NHSL3: variants seen among roughly 807,000 people sequenced by gnomAD.
The protein encoded by NHSL3 is NHS like 3.
the NHSL3 span, among the ~76,000 whole-genome samples, chr1:32,755,360 G>A: frequency 6.6e-6 from 1 of 152,206 alleles, no homozygotes; most frequent in Non-Finnish European, 1.5e-5. Context: ...GAATCTACGG[G>A]TGTATTCCCA....
the NHSL3 span, among the ~76,000 whole-genome samples, chr1:32,744,718 C>A: frequency 6.6e-6 from 1 of 152,160 alleles, no homozygotes; most frequent in South Asian, 2.1e-4. Context: ...CAGTGGGCTC[C>A]CTGATTCCAC....
the NHSL3 span, among the ~76,000 whole-genome samples, chr1:32,746,325 A>T: frequency 6.6e-6 from 1 of 152,168 alleles, no homozygotes; most frequent in South Asian, 2.1e-4. Flanking sequence ...ACTCTAGACA[A>T]GTGTGTGGGT....
the NHSL3 span, among the ~76,000 whole-genome samples, chr1:32,763,401 A>G: frequency 0.01 from 1,562 of 151,836 alleles, 23 homozygotes; most frequent in African/African-American, 0.035. Context: ...CCATTGCTCA[A>G]TCCTCCAGCC....
the NHSL3 span, among the ~76,000 whole-genome samples, chr1:32,749,845 C>T: frequency 6.6e-6 from 1 of 152,080 alleles, no homozygotes; most frequent in African/African-American, 2.4e-5. Flanking sequence ...TCCCTGCAGT[C>T]CCTGAAGCAG....
chr1:32,773,072 G>T, the NHSL3 span: 1 of 629,432 alleles, frequency 1.6e-6, no homozygotes, highest in Non-Finnish European at 2.9e-6. Flanking sequence ...GAGTCATCCT[G>T]CGCTCATGCC....
the NHSL3 span, among the ~76,000 whole-genome samples, chr1:32,749,767 T>C: frequency 6.6e-6 from 1 of 152,038 alleles, no homozygotes; most frequent in Non-Finnish European, 1.5e-5. Flanking sequence ...TCCCTCACCC[T>C]TCTCTTGGAA....
the NHSL3 span, chr1:32,771,328 C>T: frequency 6.3e-7 from 1 of 1,594,498 alleles, no homozygotes; most frequent in Non-Finnish European, 8.6e-7. Context: ...CTTGACTCCA[C>T]TGCAGGAGTC....
chr1:32,765,753 G>C, the NHSL3 span: 2 of 1,547,330 alleles, frequency 1.3e-6, no homozygotes, highest in Non-Finnish European at 1.7e-6. Flanking sequence ...GGAACGTCTC[G>C]AGTGGCGCCC....
At chr1:32,747,438 G>A in the NHSL3 span, among the ~76,000 whole-genome samples, 3 of 152,094 alleles carry the variant, frequency 2.0e-5, no homozygotes, top group Non-Finnish European at 2.9e-5. Context: ...ATCCCAAAGT[G>A]CTGGGATTAC....
the NHSL3 span, among the ~76,000 whole-genome samples, chr1:32,744,795 T>A: frequency 6.6e-6 from 1 of 152,200 alleles, no homozygotes; most frequent in African/African-American, 2.4e-5. Flanking sequence ...CTGTGACCTT[T>A]CTGTCTCACC....
the NHSL3 span, chr1:32,769,934 A>G: frequency 6.2e-7 from 1 of 1,607,596 alleles, no homozygotes; most frequent in Non-Finnish European, 8.5e-7. Context: ...GGTGCACGGG[A>G]TGCCGTACGC....
the NHSL3 span, among the ~76,000 whole-genome samples, chr1:32,760,344 C>A: frequency 6.6e-6 from 1 of 152,210 alleles, no homozygotes; most frequent in South Asian, 2.1e-4. Flanking sequence ...GTTGAGGCCT[C>A]ACCCCATGGA....
the NHSL3 span, among the ~76,000 whole-genome samples, chr1:32,767,159 A>G: frequency 1.3e-5 from 2 of 152,120 alleles, no homozygotes; most frequent in African/African-American, 4.8e-5. Context: ...TTCCCGTGAT[A>G]TCTTCTTCCT....
At chr1:32,771,917 G>A in the NHSL3 span, 135 of 1,595,654 alleles carry the variant, frequency 8.5e-5, no homozygotes, top group Non-Finnish European at 1.1e-4. Context: ...AAACCACTGC[G>A]AAGGGCCCTG....
chr1:32,757,166 C>T, the NHSL3 span, among the ~76,000 whole-genome samples: 2 of 152,116 alleles, frequency 1.3e-5, no homozygotes, highest in Non-Finnish European at 2.9e-5. Context: ...AGTATAAGTA[C>T]TCAAGTGCCA....
the NHSL3 span, among the ~76,000 whole-genome samples, chr1:32,767,447 GT>G: frequency 6.6e-6 from 1 of 152,034 alleles, no homozygotes; most frequent in South Asian, 2.1e-4. Flanking sequence ...GATGCCCTTT[GT>G]TTATATACAT....
the NHSL3 span, among the ~76,000 whole-genome samples, chr1:32,763,546 A>G: frequency 2.0e-5 from 3 of 151,886 alleles, no homozygotes; most frequent in Non-Finnish European, 4.4e-5. Flanking sequence ...TGTCAGTTCC[A>G]ATGTCCTTTT....
chr1:32,769,763 CGCA>C, the NHSL3 span: 1 of 1,613,892 alleles, frequency 6.2e-7, no homozygotes, highest in Non-Finnish European at 8.5e-7. Context: ...CTGGGACTCC[CGCA>C]GCATGTGCAG....
chr1:32,748,471 G>A, the NHSL3 span, among the ~76,000 whole-genome samples: 1 of 152,132 alleles, frequency 6.6e-6, no homozygotes, highest in Admixed American at 6.6e-5. Flanking sequence ...ACACTCCCAT[G>A]TGTTTTCCCC....
Sources: allele counts gnomAD v4.1 joint callset (sites outside exome capture counted in the v4.1 genomes callset), GRCh38; gene constraint gnomAD v4.1.1; transcripts MANE v1.5; gene names NCBI Gene and HGNC (gene_info 2026-07-23, HGNC 2026-07-21).